Variants in MPZL3 observed in about 807,000 individuals in gnomAD.
MPZL3 encodes the protein myelin protein zero like 3, also known as myelin protein zero-like protein 3.
Under a neutral mutation model 24.8 loss-of-function variants are expected in MPZL3, and 23 were observed. That is an observed-to-expected ratio of 0.93 (90% CI 0.67 to 1.31). The LOEUF is 1.31. Among genes scored for constraint, MPZL3 ranks in the 40% most tolerant of loss-of-function variants. MPZL3 has a pLI of 0.00. For missense variants in MPZL3, 277 were observed against 294.9 expected (o/e 0.94, Z 0.44); for synonymous variants, 99 against 106.5 (o/e 0.93, Z 0.44).
chr11:118,238,518 T>C (rs905812746), intron 2 of MPZL3, among the ~76,000 whole-genome samples: 4 of 152,260 alleles, frequency 2.6e-5, no homozygotes, highest in African/African-American at 7.2e-5. Context: ...ATATGACTTA[T>C]GCAATATGGC....
At chr11:118,249,323 A>G (rs1383952127) in intron 1 of MPZL3, among the ~76,000 whole-genome samples, 1 of 152,178 alleles carries the variant, frequency 6.6e-6, no homozygotes, top group Non-Finnish European at 1.5e-5. Flanking sequence ...GGCTTATGAC[A>G]TGTGTACTTT....
chr11:118,233,596 G>A, intron 4 of MPZL3, 73 bp from the exon 5 acceptor site: 1 of 1,482,732 alleles, frequency 6.7e-7, no homozygotes, highest in Admixed American at 1.7e-5. Flanking sequence ...AAGTACAGGT[G>A]TTGAAATCAG....
In MPZL3 at chr11:118,237,270, C is replaced by A; in HGVS notation, c.241-10G>T. ...ACTGATAATGAAATATCTAAGAAAGCAACACCATGAGAGAAAAGGTTAACT... is the reference window on the plus strand; with the variant it reads ...ACTGATAATGAAATATCTAAGAAAGAAACACCATGAGAGAAAAGGTTAACT... On this transcript the variant is annotated splice_polypyrimidine_tract_variant and intron_variant, in intron 2 of 5. Transcript: ENST00000278949. The A allele has an allele frequency of 6.2e-7, 1 of 1,611,644 alleles. No homozygotes were observed. The highest frequency in any genetic ancestry group is 8.5e-7 in the Non-Finnish European group (1 of 1,177,878).
intron 5 of MPZL3, among the ~76,000 whole-genome samples, chr11:118,230,899 C>T (rs1465351064): frequency 6.6e-6 from 1 of 152,180 alleles, no homozygotes; most frequent in Non-Finnish European, 1.5e-5. Flanking sequence ...ATCCTCTCCT[C>T]TCTGTCTTGC....
chr11:118,245,264 G>A (rs1345349984), intron 1 of MPZL3, among the ~76,000 whole-genome samples: 1 of 151,638 alleles, frequency 6.6e-6, no homozygotes, highest in Non-Finnish European at 1.5e-5. Context: ...CAGGCGTGGT[G>A]GTGGGAGGCA....
In MPZL3 at chr11:118,233,490, C is replaced by T. The variant is rs764710610; in HGVS notation, c.651G>A (p.Ala217=). ...TDQEEEEACM[A]RLCVRCAECL... is the part of the protein sequence containing the mutation. ...ACTCAGCGCAACGGACACAAAGCCT[C>T]GCCATACACGCCTCTTCCTCCTCCT... The change falls in exon 5 of 6, where the codon GCG becomes GCA. Residue 217 remains alanine, a synonymous_variant. Transcript: ENST00000278949. 3.9e-5 allele frequency: 63 copies of T among 1,613,642 alleles called. No homozygotes were observed. Among genetic ancestry groups the T allele is most frequent in the Non-Finnish European group, 5.0e-5 (59 of 1,179,866 alleles).
At chr11:118,248,070 CT>C (rs60335848) in intron 1 of MPZL3, among the ~76,000 whole-genome samples, 302 of 98,972 alleles carry the variant, frequency 3.1e-3, no homozygotes, top group African/African-American at 8.3e-3. Context: ...ACAGTTTCCT[CT>C]TTTTTTTTTT....
At position 118,240,296 on chromosome 11, in the gene MPZL3, C is replaced by A. The variant is rs1438075520; in HGVS notation, c.155G>T (p.Cys52Phe). 3 of 1,608,904 alleles carry A rather than the reference C, an allele frequency of 1.9e-6. No homozygotes were observed. The highest frequency in any genetic ancestry group is 2.5e-6 in the Non-Finnish European group (3 of 1,178,302). Reference sequence around the variant, plus strand: ...GACATCTGAAGTTGACTTGAAAGTGCATTTCAACTTGATCTTTTCTCCAAC... The same window carrying A: ...GACATCTGAAGTTGACTTGAAAGTGAATTTCAACTTGATCTTTTCTCCAAC... ...GYVGEKIKLK[C>F]TFKSTSDVTD... The change falls in exon 2 of 6, where the codon TGC becomes TTC. Residue 52 changes from cysteine (C) to phenylalanine (F), a missense_variant. Coordinates refer to ENST00000278949, the MANE Select transcript of MPZL3 (RefSeq NM_198275.3).
intron 1 of MPZL3, among the ~76,000 whole-genome samples, chr11:118,244,035 T>C (rs1240498186): frequency 2.6e-5 from 4 of 152,174 alleles, no homozygotes; most frequent in African/African-American, 9.7e-5. Context: ...CTACCACTTC[T>C]GGTAAAAGGC....
At position 118,247,248 on chromosome 11, in the gene MPZL3, T is replaced by C. The variant is rs181464023; in HGVS notation, c.73+4974A>G. 2.4e-3 allele frequency among the ~76,000 whole-genome samples: 363 copies of C among 152,208 alleles called. 2 individuals are homozygous for C. The highest frequency in any genetic ancestry group is 8.5e-3 in the African/African-American group (351 of 41,532). ...AGAGTAGAGAAAAGAATGAGTCTGGTGGGAGGGGAGAAAACTAAAAGTAAA... is the reference window on the plus strand; with the variant it reads ...AGAGTAGAGAAAAGAATGAGTCTGGCGGGAGGGGAGAAAACTAAAAGTAAA... On this transcript the variant is annotated intron_variant, in intron 1 of 5. Transcript: ENST00000278949.
chr11:118,244,214 T>G (rs1949531103), intron 1 of MPZL3, among the ~76,000 whole-genome samples: 1 of 152,240 alleles, frequency 6.6e-6, no homozygotes, highest in Non-Finnish European at 1.5e-5. Context: ...CAAACATACA[T>G]TTCTTGAGCA....
chr11:118,233,448 G>A lies in MPZL3; in HGVS notation c.681+12C>T. 1 of 1,613,564 alleles carries A rather than the reference G, an allele frequency of 6.2e-7. No homozygotes were observed. Among genetic ancestry groups the A allele is most frequent in the Admixed American group, 1.7e-5 (1 of 59,990 alleles). Reference sequence around the variant, plus strand: ...ACATCAACAGTAAGCAGAAGGAATGGCATGCACTTACCAGGCACTCAGCGC... The same window carrying A: ...ACATCAACAGTAAGCAGAAGGAATGACATGCACTTACCAGGCACTCAGCGC... On this transcript the variant is annotated intron_variant, in intron 5 of 5. Coordinates refer to ENST00000278949, the MANE Select transcript of MPZL3 (RefSeq NM_198275.3).
chr11:118,231,738 C>A (rs1949354405), intron 5 of MPZL3, among the ~76,000 whole-genome samples: 1 of 152,138 alleles, frequency 6.6e-6, no homozygotes, highest in African/African-American at 2.4e-5. Context: ...CTCATTTTTT[C>A]ATATATAAAT....
chr11:118,240,179 C>T, intron 2 of MPZL3, 32 bp downstream of exon 2: 2 of 1,505,422 alleles, frequency 1.3e-6, no homozygotes, highest in Non-Finnish European at 1.8e-6. Context: ...AACTGTTGAC[C>T]AAAGGAACAT....
At chr11:118,249,855 G>C (rs1949599044) in intron 1 of MPZL3, among the ~76,000 whole-genome samples, 1 of 151,676 alleles carries the variant, frequency 6.6e-6, no homozygotes, top group East Asian at 1.9e-4. Flanking sequence ...AAAACAAAAG[G>C]CAAATAAACA....
intron 2 of MPZL3, 88 bp downstream of exon 2, chr11:118,240,123 G>T: frequency 7.7e-7 from 1 of 1,293,856 alleles, no homozygotes; most frequent in South Asian, 1.7e-5. Context: ...ACTCTAAGAT[G>T]AGATGGCCTC....
chr11:118,250,782 A>C (rs2134721043), intron 1 of MPZL3, among the ~76,000 whole-genome samples: 1 of 152,102 alleles, frequency 6.6e-6, no homozygotes, highest in Non-Finnish European at 1.5e-5. Flanking sequence ...ACGGAGTTTC[A>C]CTATGTTGGT....
intron 2 of MPZL3, 35 bp downstream of exon 2, chr11:118,240,176 G>A: frequency 6.7e-7 from 1 of 1,500,736 alleles, no homozygotes; most frequent in South Asian, 1.4e-5. Flanking sequence ...CAAAACTGTT[G>A]ACCAAAGGAA....
chr11:118,250,168 ATTTTTTTTTT>A (rs71041823), intron 1 of MPZL3, among the ~76,000 whole-genome samples: 5 of 104,260 alleles, frequency 4.8e-5, no homozygotes, highest in African/African-American at 1.1e-4. Flanking sequence ...CACCTGGCTA[ATTTTTTTTTT>A]TTTTTTTTTT....
Sources: gnomAD v4.1 joint callset for allele counts (sites outside exome capture counted in the v4.1 genomes callset) on GRCh38, gnomAD v4.1.1 for gene constraint, MANE v1.5 for transcripts, NCBI Gene and HGNC (gene_info 2026-07-23, HGNC 2026-07-21) for gene names.